The following OTOG variants were observed in gnomAD, a reference collection of about 807,000 sequenced individuals.
The protein encoded by OTOG is otogelin.
In OTOG, 296 loss-of-function variants were observed where a neutral mutation model predicts 313.8. The ratio of observed to expected loss-of-function variants is 0.94; its 90% CI spans 0.86 to 1.04. The LOEUF is 1.04. OTOG is among the 50% of genes least tolerant of loss of function. The pLI, the probability that OTOG is intolerant of heterozygous loss-of-function variation, is 0.00. For missense variants in OTOG, 3,948 were observed against 3,840.1 expected (o/e 1.03, Z -0.74); for synonymous variants, 1,533 against 1,554.9 (o/e 0.99, Z 0.33).
At chr11:17,577,807 A>T (rs573514835) in intron 22 of OTOG, among the ~76,000 whole-genome samples, 1 of 152,328 alleles carries the variant, frequency 6.6e-6, no homozygotes, top group African/African-American at 2.4e-5. Flanking sequence ...TTTCCTAAAA[A>T]AGATCACTCA....
intron 4 of OTOG, among the ~76,000 whole-genome samples, chr11:17,552,776 C>G (rs916247284): frequency 2.5e-4 from 38 of 152,256 alleles, no homozygotes; most frequent in Admixed American, 2.3e-3. Context: ...CTGCAGATCT[C>G]TGGGCAGTCC....
At chr11:17,616,888 T>C (rs1853735063) in intron 39 of OTOG, among the ~76,000 whole-genome samples, 3 of 152,228 alleles carry the variant, frequency 2.0e-5, no homozygotes, top group African/African-American at 4.8e-5. Context: ...GGACCTCTAG[T>C]GTGATGCTGA....
Position 17,611,059 on chromosome 11 carries a change from C to A in OTOG, c.5759C>A (p.Pro1920His), listed in dbSNP as rs1191107652. 1.2e-5 allele frequency: 18 copies of A among 1,550,516 alleles called. No individual in the cohort carries two copies. The highest frequency in any genetic ancestry group is 2.0e-5 in the Admixed American group (1 of 50,994). ...ATCCTATCCAAGCAAGTGTCTCTGC[C>A]CACTTCCATGTATGGTTCTGCAGAG... The part of the protein sequence containing the change: ...VAILSKQVSL[P>H]TSMYGSAEGG... Residue 1920 changes from proline (P) to histidine (H), a missense_variant, in exon 36 of 56, where the codon CCC becomes CAC. By Grantham distance (77) the Pro-to-His change is moderately conservative. Transcript: ENST00000399397.
Position 17,645,612 on chromosome 11 carries a change from T to G in OTOG, c.8510T>G (p.Ile2837Ser), listed in dbSNP as rs1486721797. 1.9e-5 allele frequency: 30 copies of G among 1,550,520 alleles called. No homozygotes were observed. Among genetic ancestry groups the G allele is most frequent in the Non-Finnish European group, 2.3e-5 (26 of 1,147,010 alleles). ...SCKKVTIRMT[I>S]RKNECRSSTP... ...AAGAAGGTGACCATCCGCATGACCA[T>G]CCGCAAGAATGAATGCAGGAGCAGC... is the stretch of plus-strand genomic sequence containing the variant. Residue 2837 changes from isoleucine (I) to serine (S), a missense_variant, in exon 55 of 56, where the codon ATC becomes AGC. Ile to Ser is a moderately radical substitution (Grantham distance 142). Transcript: ENST00000399397.
rs1028914552 is a variant in OTOG, at chr11:17,634,749, C to A, written c.7481-95C>A. The A allele has an allele frequency of 7.8e-6, 8 of 1,026,040 alleles. No homozygotes were observed. In the African/African-American group the frequency reaches 9.6e-5, roughly 12 times the overall value. The allele number at this position is 1,026,040 out of a possible 1,614,324, so 63.6% of individuals were successfully genotyped here. ...GGCTGGGGGGAGGAGTGGGGCCAGG[C>A]GTCCAGGGGTTGGGCAGTTGTCCAG... is the stretch of plus-strand genomic sequence containing the variant. On this transcript the variant is annotated intron_variant, in intron 44 of 55. Transcript: ENST00000399397.
At chr11:17,578,051 G>A (rs1290205276) in intron 22 of OTOG, among the ~76,000 whole-genome samples, 4 of 152,088 alleles carry the variant, frequency 2.6e-5, no homozygotes, top group African/African-American at 9.7e-5. Context: ...TCCATTATTT[G>A]GGAAAATGGG....
chr11:17,597,147 A>G (rs1024419657), intron 30 of OTOG, 140 bp downstream of exon 30: 10 of 1,144,530 alleles, frequency 8.7e-6, no homozygotes, highest in Non-Finnish European at 1.2e-5. Context: ...CGTGTTATTC[A>G]TTGAATTCTT....
chr11:17,564,505 G>A (rs1253174311), intron 15 of OTOG, among the ~76,000 whole-genome samples: 1 of 152,198 alleles, frequency 6.6e-6, no homozygotes, highest in East Asian at 1.9e-4. Context: ...CAACGAGGTT[G>A]GAATATTCCA....
intron 41 of OTOG, 75 bp from the exon 42 acceptor site, chr11:17,632,013 G>A: frequency 6.5e-7 from 1 of 1,540,522 alleles, no homozygotes; most frequent in Non-Finnish European, 8.8e-7. Flanking sequence ...GTTCCTTTTG[G>A]GCAGGGAGGG....
At position 17,570,395 on chromosome 11, in the gene OTOG, G is replaced by A. The variant is rs545244887; in HGVS notation, c.1955+5G>A. The A allele has an allele frequency of 2.1e-5, 32 of 1,549,808 alleles. No homozygotes were observed. Among genetic ancestry groups the A allele is most frequent in the African/African-American group, 2.7e-5 (2 of 73,038 alleles). ...CAACACGCAGGATGACTTCCTGTACGTAGCCCTGCCACGGAACCCGAAGAA... is the reference window on the plus strand; with the variant it reads ...CAACACGCAGGATGACTTCCTGTACATAGCCCTGCCACGGAACCCGAAGAA... On this transcript the variant is annotated splice_donor_5th_base_variant and intron_variant, in intron 17 of 55. Coordinates refer to ENST00000399397, the MANE Select transcript of OTOG (RefSeq NM_001292063.2).
At chr11:17,570,424 G>A (rs1345235986) in intron 17 of OTOG, 34 bp downstream of exon 17, 3 of 1,546,518 alleles carry the variant, frequency 1.9e-6, no homozygotes, top group African/African-American at 1.4e-5. Context: ...CGAAGAAGAG[G>A]GGAAATGGGC....
At position 17,610,299 on chromosome 11, in the gene OTOG, G is replaced by C. The variant is rs779938209; in HGVS notation, c.4999G>C (p.Val1667Leu). The change falls in exon 36 of 56, where the codon GTG becomes CTG. Residue 1667 changes from valine (V) to leucine (L), a missense_variant. Coordinates refer to ENST00000399397, the MANE Select transcript of OTOG (RefSeq NM_001292063.2). ...CACCTCCTCGGGATCCCACAAGGCT[G>C]TGCTGACACCTGCAGTAACTAAGGT... is the stretch of plus-strand genomic sequence containing the variant. ...SPTSSGSHKA[V>L]LTPAVTKVIS... The C allele has an allele frequency of 1.8e-5, 28 of 1,550,706 alleles. No individual in the cohort carries two copies. The highest frequency in any genetic ancestry group is 2.3e-5 in the Non-Finnish European group (26 of 1,146,990).
chr11:17,570,212 G>A lies in OTOG; in HGVS notation c.1778-1G>A. On this transcript the variant is annotated splice_acceptor_variant, in intron 16 of 55. Coordinates refer to ENST00000399397, the MANE Select transcript of OTOG (RefSeq NM_001292063.2). LOFTEE classifies it high-confidence loss of function. ...TCTCTCCTTTTGGATTCTGTGCCCA[G>A]ATGCCTTTGAGATCCGTAGGCTGTC... is the stretch of plus-strand genomic sequence containing the variant. 6.4e-7 allele frequency: 1 copy of A among 1,550,442 alleles called. No homozygotes were observed. Among genetic ancestry groups the A allele is most frequent in the Non-Finnish European group, 8.7e-7 (1 of 1,146,808 alleles).
intron 24 of OTOG, among the ~76,000 whole-genome samples, chr11:17,587,632 A>G (rs1053507170): frequency 6.6e-6 from 1 of 152,148 alleles, no homozygotes; most frequent in African/African-American, 2.4e-5. Context: ...TCTGTGTTAG[A>G]AGCAGGGTCA....
At chr11:17,607,204 CT>C (rs1280855302) in intron 33 of OTOG, among the ~76,000 whole-genome samples, 12 of 152,238 alleles carry the variant, frequency 7.9e-5, no homozygotes, top group African/African-American at 2.7e-4. Flanking sequence ...GTAAGTTAGA[CT>C]TTTGGAAAAG....
chr11:17,553,312 T>C (rs1851985051), intron 5 of OTOG, 53 bp from the exon 6 acceptor site: 1 of 1,497,514 alleles, frequency 6.7e-7, no homozygotes. Context: ...CACCAGCCTC[T>C]GGCTTGGTGC....
chr11:17,619,158 C>G (rs1418596240), intron 39 of OTOG, among the ~76,000 whole-genome samples: 1 of 152,116 alleles, frequency 6.6e-6, no homozygotes, highest in Non-Finnish European at 1.5e-5. Flanking sequence ...GTAGTTCCAG[C>G]TATGCAGGAG....
At chr11:17,548,292 A>G in intron 3 of OTOG, 80 bp downstream of exon 3, 1 of 1,240,502 alleles carries the variant, frequency 8.1e-7, no homozygotes, top group Non-Finnish European at 1.1e-6. Context: ...GGAGCTCTGT[A>G]GGTTACAGGA....
intron 30 of OTOG, among the ~76,000 whole-genome samples, chr11:17,597,960 C>T (rs562459766): frequency 2.4e-4 from 36 of 152,214 alleles, no homozygotes; most frequent in Non-Finnish European, 4.1e-4. Flanking sequence ...TTAAACAAGG[C>T]ATTGCATGTA....
Sources: gnomAD v4.1 joint callset for allele counts (sites outside exome capture counted in the v4.1 genomes callset) on GRCh38, gnomAD v4.1.1 for gene constraint, MANE v1.5 for transcripts, NCBI Gene and HGNC (gene_info 2026-07-23, HGNC 2026-07-21) for gene names.